Variants in DNAJC7 observed in about 807,000 individuals in gnomAD.
DNAJC7 encodes dnaJ homolog subfamily C member 7.
In DNAJC7, 18 loss-of-function variants were observed where a neutral mutation model predicts 67.4. The ratio of observed to expected loss-of-function variants is 0.27; its 90% CI spans 0.18 to 0.40. The LOEUF (loss-of-function observed/expected upper bound fraction) is 0.40. Among genes scored for constraint, DNAJC7 ranks in the 10% least tolerant of loss-of-function variants. DNAJC7 has a pLI of 1.00. For missense variants in DNAJC7, 419 were observed against 613.8 expected, an observed-to-expected ratio of 0.68 and a Z score of 3.35; for synonymous variants, 220 against 207.8, an observed-to-expected ratio of 1.06 and a Z score of -0.50.
chr17:41,990,418 C>G, intron 5 of DNAJC7, 36 bp from the exon 6 acceptor site: 1 of 1,525,676 alleles, frequency 6.6e-7, no homozygotes, highest in Non-Finnish European at 8.9e-7. Flanking sequence ...GGCTCTTCAT[C>G]AGGGACTCCA....
At chr17:42,000,952 T>C (rs2051792792) in intron 1 of DNAJC7, 1 of 156,840 alleles carries the variant, frequency 6.4e-6, no homozygotes, top group South Asian at 2.0e-4. Flanking sequence ...TTTTGCAAAC[T>C]TACAGGAAAA....
chr17:42,011,906 G>A (rs1334438603), intron 1 of DNAJC7: 1 of 152,174 alleles, frequency 6.6e-6, no homozygotes, highest in Non-Finnish European at 1.5e-5. Context: ...GGAAACCCGG[G>A]ACATGAATTG....
In DNAJC7 at chr17:42,004,143, C is replaced by T. The variant is rs540829794; in HGVS notation, c.78-3573G>A. On this transcript the variant is annotated intron_variant, in intron 1 of 13. Coordinates refer to ENST00000457167, the MANE Select transcript of DNAJC7 (RefSeq NM_003315.4). ...CTATTTTTTGTATTTTTAGTAGAGA[C>T]GGGGTTTCATCATGTTGGCCAGACT... Among the ~76,000 whole-genome samples, 15 of 151,792 alleles carry T rather than the reference C, an allele frequency of 9.9e-5. No homozygotes were observed. In the South Asian group the frequency reaches 1.5e-3, roughly 15 times the overall value.
intron 10 of DNAJC7, among the ~76,000 whole-genome samples, chr17:41,982,792 CT>C (rs1208103115): frequency 6.6e-6 from 1 of 152,006 alleles, no homozygotes; most frequent in East Asian, 1.9e-4. Context: ...AACCCCATCC[CT>C]ACTAAAAATA....
chr17:42,001,666 G>C (rs144681197), intron 1 of DNAJC7, among the ~76,000 whole-genome samples: 14 of 152,190 alleles, frequency 9.2e-5, no homozygotes, highest in African/African-American at 3.4e-4. Context: ...GTTCGGGGTT[G>C]CCTGAAGTTG....
At chr17:42,010,566 G>C (rs557221554) in intron 1 of DNAJC7, among the ~76,000 whole-genome samples, 1 of 152,058 alleles carries the variant, frequency 6.6e-6, no homozygotes, top group Non-Finnish European at 1.5e-5. Context: ...ATGGGAACTA[G>C]AGTGGGGAGG....
intron 12 of DNAJC7, among the ~76,000 whole-genome samples, chr17:41,979,355 A>C (rs183709714): frequency 1.7e-4 from 26 of 151,340 alleles, no homozygotes; most frequent in African/African-American, 3.2e-4. Context: ...ATAACAACAA[A>C]AAAAAATTAA....
chr17:41,999,791 T>C lies in DNAJC7; in HGVS notation c.166+691A>G, dbSNP rs560633717. Among the ~76,000 whole-genome samples, 53 of 152,368 alleles carry C rather than the reference T, an allele frequency of 3.5e-4. 1 individual carries two copies. Among genetic ancestry groups the C allele is most frequent in the South Asian group, 2.1e-3 (10 of 4,834 alleles). On this transcript the variant is annotated intron_variant, in intron 2 of 13. Transcript: ENST00000457167. ...GCCTTGGCCTTCCAAAGTGCTGGGA[T>C]TATAGGCGTGAGCCACTGAGCCTGG...
intron 4 of DNAJC7, among the ~76,000 whole-genome samples, chr17:41,995,652 C>T (rs1032943062): frequency 6.6e-6 from 1 of 152,136 alleles, no homozygotes; most frequent in African/African-American, 2.4e-5. Flanking sequence ...GGCTATGCCA[C>T]CCAGGTTTGT....
chr17:41,989,577 G>T lies in DNAJC7; in HGVS notation c.600-20C>A, dbSNP rs2051461734. On this transcript the variant is annotated intron_variant, in intron 6 of 13. Transcript: ENST00000457167. ...ATGTCACTGCAATAGTCAGAAAAGGGCACATTGAGCTGTGCTTTAGAATGT... is the reference window on the plus strand; with the variant it reads ...ATGTCACTGCAATAGTCAGAAAAGGTCACATTGAGCTGTGCTTTAGAATGT... 6.2e-7 allele frequency: 1 copy of T among 1,611,962 alleles called. No individual in the cohort carries two copies. Among genetic ancestry groups the T allele is most frequent in the African/African-American group, 1.3e-5 (1 of 74,894 alleles).
At chr17:41,994,821 G>A (rs1470048623) in intron 5 of DNAJC7, 49 bp downstream of exon 5, 1 of 1,538,116 alleles carries the variant, frequency 6.5e-7, no homozygotes, top group African/African-American at 1.4e-5. Context: ...ACACGAATGG[G>A]AATTTTGCGA....
intron 1 of DNAJC7, among the ~76,000 whole-genome samples, chr17:42,007,717 T>A (rs990666478): frequency 1.3e-5 from 2 of 151,082 alleles, no homozygotes; most frequent in East Asian, 3.9e-4. Context: ...AGAGATGGGG[T>A]TTCACTATGT....
rs1423092938 is a variant in DNAJC7 at position 41,988,780 on chromosome 17, T to C, written c.870A>G (p.Ile290Met). The C allele has an allele frequency of 4.3e-6, 7 of 1,612,636 alleles. No individual in the cohort carries two copies. The highest frequency in any genetic ancestry group is 1.1e-5 in the South Asian group (1 of 90,802). The change falls in exon 8 of 14, where the codon ATA becomes ATG. Residue 290 changes from isoleucine (I) to methionine (M), a missense_variant. Physicochemically the swap from Ile to Met is conservative, Grantham distance 10. Transcript: ENST00000457167. ...TACAGTAGAGTTTAGCATTTGTTTT[T>C]ATATTGTTGGGGTCTATCCCCAGGG... ...TEALGIDPNN[I>M]KTNAKLYCNR...
chr17:42,003,950 A>ATTTTT (rs10631965), intron 1 of DNAJC7, among the ~76,000 whole-genome samples: 3,166 of 94,266 alleles, frequency 0.034, 230 homozygotes, highest in East Asian at 0.058. Flanking sequence ...AAGATTTTCA[A>ATTTTT]TTTTTTTTTT....
chr17:41,988,857 T>C lies in DNAJC7; in HGVS notation c.793A>G (p.Lys265Glu). 1 of 1,613,792 alleles carries C rather than the reference T, an allele frequency of 6.2e-7. No individual in the cohort carries two copies. The highest frequency in any genetic ancestry group is 8.5e-7 in the Non-Finnish European group (1 of 1,179,838). ...TTGTAATTTCCTTCCTTAAATGCTT[T>C]ATTCCCATCTTCTTTCTTTGCTTTG... ...ALKAKKEDGN[K>E]AFKEGNYKLA... is the part of the protein sequence containing the mutation. Residue 265 changes from lysine (K) to glutamate (E), a missense_variant, in exon 8 of 14, where the codon AAA becomes GAA. Physicochemically the swap from Lys to Glu is moderately conservative, Grantham distance 56 (BLOSUM62 1). Around this residue, in one of 4 missense-constraint regions of DNAJC7, gnomAD observed 16 missense variants for 57.9 expected, o/e 0.28. Coordinates refer to ENST00000457167, the MANE Select transcript of DNAJC7 (RefSeq NM_003315.4).
At chr17:41,980,813 G>A (rs1429163944) in intron 12 of DNAJC7, among the ~76,000 whole-genome samples, 1 of 152,170 alleles carries the variant, frequency 6.6e-6, no homozygotes, top group African/African-American at 2.4e-5. Context: ...AGTGTTTATA[G>A]GAATGTATGA....
intron 1 of DNAJC7, chr17:42,017,080 T>A: frequency 7.2e-7 from 1 of 1,396,042 alleles, no homozygotes. Context: ...AGACTCGGCC[T>A]CTCCTATAAG....
rs1555647374 is a variant in DNAJC7 at position 41,989,524 on chromosome 17, A to T, written c.633T>A (p.Asp211Glu). 6.2e-7 allele frequency: 1 copy of T among 1,614,044 alleles called. No homozygotes were observed. The highest frequency in any genetic ancestry group is 8.5e-7 in the Non-Finnish European group (1 of 1,179,906). Residue 211 changes from aspartate (D) to glutamate (E), a missense_variant, in exon 7 of 14, where the codon GAT (aspartate) becomes GAA (glutamate). Asp to Glu is a conservative substitution (Grantham distance 45, BLOSUM62 2). Coordinates refer to ENST00000457167, the MANE Select transcript of DNAJC7 (RefSeq NM_003315.4). Reference sequence around the variant, plus strand: ...GGCAAAGACCTCGTACATACAGAGCATCTGCATTGGTGGAATCCATTCGTA... The same window carrying T: ...GGCAAAGACCTCGTACATACAGAGCTTCTGCATTGGTGGAATCCATTCGTA... ...DILRMDSTNADALYVRGLCLY... is the reference protein window; with the variant it reads ...DILRMDSTNAEALYVRGLCLY...
chr17:41,979,909 C>T (rs879989599), intron 12 of DNAJC7, among the ~76,000 whole-genome samples: 27 of 150,980 alleles, frequency 1.8e-4, no homozygotes, highest in South Asian at 2.1e-4. Context: ...TGCAGTGAGT[C>T]GAGATGGTGC....
Sources: allele counts gnomAD v4.1 joint callset (sites outside exome capture counted in the v4.1 genomes callset), GRCh38; gene constraint gnomAD v4.1.1; regional missense constraint gnomAD v4.1.1; transcripts MANE v1.5; gene names NCBI Gene and HGNC (gene_info 2026-07-23, HGNC 2026-07-21).